Variants in GPC5 observed in about 807,000 individuals in gnomAD.
GPC5 encodes glypican 5.
In GPC5, 47 loss-of-function variants were observed where a neutral mutation model predicts 53.9. That is an observed-to-expected ratio of 0.87 (90% CI 0.69 to 1.11). The LOEUF (loss-of-function observed/expected upper bound fraction) is 1.11, where lower values mean the gene tolerates loss of function less well. Ranked by LOEUF, GPC5 falls within the 50% of genes most tolerant of loss-of-function variation. The pLI, the probability that GPC5 is intolerant of heterozygous loss-of-function variation, is 0.00. For synonymous variants in GPC5, 286 were observed against 263.3 expected (o/e 1.09, Z -0.84); for missense variants, 748 against 713.1 (o/e 1.05, Z -0.56).
At chr13:92,794,582 G>A (rs544024473) in intron 7 of GPC5, among the ~76,000 whole-genome samples, 4 of 152,276 alleles carry the variant, frequency 2.6e-5, no homozygotes, top group South Asian at 2.1e-4. Flanking sequence ...TAGGAAAAGA[G>A]AAAGTCAAAT....
intron 5 of GPC5, among the ~76,000 whole-genome samples, chr13:91,809,979 G>A (rs1216407443): frequency 6.6e-6 from 1 of 151,902 alleles, no homozygotes; most frequent in African/African-American, 2.4e-5. Flanking sequence ...ATTTTTCTCA[G>A]GGAATTATGT....
chr13:91,458,426 T>G (rs934711693), intron 2 of GPC5, among the ~76,000 whole-genome samples: 8 of 152,206 alleles, frequency 5.3e-5, no homozygotes, highest in African/African-American at 1.9e-4. Flanking sequence ...CGCCAAGAGC[T>G]GGAACAAGAC....
intron 6 of GPC5, among the ~76,000 whole-genome samples, chr13:92,000,995 TG>T (rs59409469): frequency 0.065 from 9,932 of 152,210 alleles, 1,111 homozygotes; most frequent in African/African-American, 0.22. Flanking sequence ...TTAGCTGTAT[TG>T]GCTTTCACCA....
At chr13:91,874,300 G>C (rs1173621450) in intron 5 of GPC5, among the ~76,000 whole-genome samples, 1 of 151,868 alleles carries the variant, frequency 6.6e-6, no homozygotes, top group Non-Finnish European at 1.5e-5. Context: ...CATATGCATG[G>C]CCTTGATTTT....
At chr13:91,789,597 A>G (rs995710589) in intron 5 of GPC5, among the ~76,000 whole-genome samples, 1 of 152,232 alleles carries the variant, frequency 6.6e-6, no homozygotes, top group Non-Finnish European at 1.5e-5. Context: ...GAAATAAAGA[A>G]AACACTAGCA....
intron 5 of GPC5, among the ~76,000 whole-genome samples, chr13:91,757,600 A>C (rs2037322779): frequency 6.6e-6 from 1 of 152,022 alleles, no homozygotes; most frequent in African/African-American, 2.4e-5. Flanking sequence ...GTGCACATAT[A>C]CTTCTCTTTG....
intron 7 of GPC5, among the ~76,000 whole-genome samples, chr13:92,610,138 T>C (rs529973240): frequency 6.6e-6 from 1 of 152,184 alleles, no homozygotes; most frequent in Non-Finnish European, 1.5e-5. Context: ...AGATTTCTAT[T>C]GAACTTTGAA....
At position 91,928,600 on chromosome 13, in the gene GPC5, C is replaced by A. The variant is rs546748066; in HGVS notation, c.1401+20543C>A. On this transcript the variant is annotated intron_variant, in intron 6 of 7. Transcript: ENST00000377067. ...AAAAGATGCTTAACTGTGCCCAGGG[C>A]TTTAAAATGGAGCAAGAGCAAGAAT... is the stretch of plus-strand genomic sequence containing the variant. Among the ~76,000 whole-genome samples the A allele has an allele frequency of 3.7e-4, 57 of 152,200 alleles. 1 individual carries two copies. Among genetic ancestry groups the A allele is most frequent in the African/African-American group, 1.3e-3 (53 of 41,532 alleles).
chr13:91,596,687 A>G (rs1004293572), intron 2 of GPC5, among the ~76,000 whole-genome samples: 1 of 152,062 alleles, frequency 6.6e-6, no homozygotes, highest in Non-Finnish European at 1.5e-5. Context: ...GACAAGAATT[A>G]TGTTTAGTAT....
intron 7 of GPC5, among the ~76,000 whole-genome samples, chr13:92,587,401 C>G (rs1379226873): frequency 3.3e-5 from 5 of 152,132 alleles, no homozygotes; most frequent in Non-Finnish European, 7.3e-5. Context: ...TTATGTGACT[C>G]TCTCAAGGTT....
chr13:92,669,900 T>A (rs1671920635), intron 7 of GPC5, among the ~76,000 whole-genome samples: 1 of 152,216 alleles, frequency 6.6e-6, no homozygotes, highest in Non-Finnish European at 1.5e-5. Context: ...TCTGGGACAA[T>A]GTACCGGAAT....
At chr13:92,340,562 A>G (rs1236448733) in intron 7 of GPC5, 4 of 152,266 alleles carry the variant, frequency 2.6e-5, no homozygotes, top group Non-Finnish European at 2.9e-5. Context: ...AAATAGTTAC[A>G]AAATGAAAAT....
At chr13:91,417,077 G>A (rs11620426) in intron 1 of GPC5, among the ~76,000 whole-genome samples, 8 of 151,710 alleles carry the variant, frequency 5.3e-5, no homozygotes, top group African/African-American at 1.7e-4. Context: ...CAGAGGGGGG[G>A]AGTATTTAGA....
At chr13:91,462,325 T>A (rs2139146823) in intron 2 of GPC5, among the ~76,000 whole-genome samples, 1 of 152,296 alleles carries the variant, frequency 6.6e-6, no homozygotes, top group East Asian at 1.9e-4. Flanking sequence ...TTTTTGATTA[T>A]GCTTTGTGAG....
chr13:92,276,475 T>C (rs2042876656), intron 7 of GPC5, among the ~76,000 whole-genome samples: 1 of 152,086 alleles, frequency 6.6e-6, no homozygotes. Flanking sequence ...ATTATTACAG[T>C]TAAAAGATTC....
At chr13:92,402,237 A>C (rs539622215) in intron 7 of GPC5, among the ~76,000 whole-genome samples, 1 of 152,326 alleles carries the variant, frequency 6.6e-6, no homozygotes, top group African/African-American at 2.4e-5. Flanking sequence ...ACCGTCACTT[A>C]TTAATAGCAG....
chr13:92,751,796 A>C (rs759178207), intron 7 of GPC5, among the ~76,000 whole-genome samples: 52 of 152,294 alleles, frequency 3.4e-4, no homozygotes, highest in Admixed American at 2.3e-3. Flanking sequence ...GAGGGACATG[A>C]CTTAAAACAT....
intron 1 of GPC5, among the ~76,000 whole-genome samples, chr13:91,436,183 T>G (rs1874906132): frequency 6.6e-6 from 1 of 152,210 alleles, no homozygotes; most frequent in South Asian, 2.1e-4. Context: ...TGTCTCTATT[T>G]CCTTCAGTTC....
chr13:91,922,100 A>G (rs768249115), intron 6 of GPC5, among the ~76,000 whole-genome samples: 19 of 152,322 alleles, frequency 1.2e-4, no homozygotes, highest in Middle Eastern at 3.4e-3. Flanking sequence ...CCAAAAACAG[A>G]AAAACTTCCA....
Sources: gnomAD v4.1 joint callset for allele counts (sites outside exome capture counted in the v4.1 genomes callset) on GRCh38, gnomAD v4.1.1 for gene constraint, MANE v1.5 for transcripts, NCBI Gene and HGNC (gene_info 2026-07-23, HGNC 2026-07-21) for gene names.